Variants in TMEM178B observed in about 807,000 individuals in gnomAD.
The protein encoded by TMEM178B is transmembrane protein 178B.
TMEM178B carries 5 observed loss-of-function variants against 31.0 expected under a neutral mutation model. That is an observed-to-expected ratio of 0.16 (90% CI 0.08 to 0.34). The LOEUF (loss-of-function observed/expected upper bound fraction) is 0.34. Among genes scored for constraint, TMEM178B ranks in the 10% least tolerant of loss-of-function variants. TMEM178B has a pLI of 1.00. For synonymous variants in TMEM178B, 164 were observed against 164.0 expected (o/e 1.00, Z 0.00); for missense variants, 275 against 400.3 (o/e 0.69, Z 2.67).
At chr7:141,418,760 T>C (rs1801146549) in intron 2 of TMEM178B, among the ~76,000 whole-genome samples, 1 of 152,222 alleles carries the variant, frequency 6.6e-6, no homozygotes, top group Non-Finnish European at 1.5e-5. Context: ...CAAGTCAGTA[T>C]CTCAAGTAAT....
intron 2 of TMEM178B, among the ~76,000 whole-genome samples, chr7:141,418,351 G>A (rs562633832): frequency 6.6e-6 from 1 of 152,074 alleles, no homozygotes; most frequent in East Asian, 1.9e-4. Context: ...CCCTTGACAA[G>A]GTCACAGGGG....
At chr7:141,417,163 A>T (rs1009916492) in intron 2 of TMEM178B, among the ~76,000 whole-genome samples, 2 of 152,188 alleles carry the variant, frequency 1.3e-5, no homozygotes, top group Non-Finnish European at 2.9e-5. Flanking sequence ...TCCAGGAGAG[A>T]CACTGTGGGC....
intron 3 of TMEM178B, among the ~76,000 whole-genome samples, chr7:141,460,895 G>A (rs549467814): frequency 7.5e-4 from 114 of 152,232 alleles, no homozygotes; most frequent in African/African-American, 2.6e-3. Context: ...GCCTCATCCC[G>A]ACAAATCCCT....
chr7:141,105,802 G>A (rs1445604925), intron 1 of TMEM178B, among the ~76,000 whole-genome samples: 1 of 152,032 alleles, frequency 6.6e-6, no homozygotes, highest in Non-Finnish European at 1.5e-5. Flanking sequence ...CTTTAAAAAT[G>A]ATTAGTTTGG....
At chr7:141,284,910 A>C (rs1430157787) in intron 2 of TMEM178B, among the ~76,000 whole-genome samples, 2 of 152,130 alleles carry the variant, frequency 1.3e-5, no homozygotes, top group African/African-American at 4.8e-5. Flanking sequence ...AAGAAGGTTG[A>C]GAATAGTTCA....
intron 2 of TMEM178B, among the ~76,000 whole-genome samples, chr7:141,387,757 C>G (rs1206927160): frequency 1.3e-5 from 2 of 152,206 alleles, no homozygotes; most frequent in Non-Finnish European, 2.9e-5. Flanking sequence ...TGGCCTGACA[C>G]TTGTCTTCCA....
intron 2 of TMEM178B, among the ~76,000 whole-genome samples, chr7:141,387,319 G>A (rs1353753395): frequency 6.6e-6 from 1 of 151,976 alleles, no homozygotes; most frequent in Non-Finnish European, 1.5e-5. Flanking sequence ...TTACAGTAAC[G>A]CCATAATACA....
At chr7:141,411,907 T>A (rs889322274) in intron 2 of TMEM178B, among the ~76,000 whole-genome samples, 3 of 152,200 alleles carry the variant, frequency 2.0e-5, no homozygotes, top group African/African-American at 7.2e-5. Context: ...TTGTCTTTAG[T>A]GACAGGCTTT....
intron 1 of TMEM178B, among the ~76,000 whole-genome samples, chr7:141,126,243 G>A (rs1438679205): frequency 1.3e-5 from 2 of 152,178 alleles, no homozygotes; most frequent in African/African-American, 2.4e-5. Context: ...ATTCTAAGCT[G>A]AGGAATAGCA....
intron 2 of TMEM178B, among the ~76,000 whole-genome samples, chr7:141,373,237 G>A (rs1021018828): frequency 2.2e-4 from 34 of 152,202 alleles, no homozygotes; most frequent in African/African-American, 8.0e-4. Flanking sequence ...TGCAAGCTCT[G>A]AGAATAGGCA....
At chr7:141,100,333 TTGAG>T (rs1406771367) in intron 1 of TMEM178B, among the ~76,000 whole-genome samples, 2 of 152,126 alleles carry the variant, frequency 1.3e-5, no homozygotes, top group African/African-American at 4.8e-5. Flanking sequence ...GAACTTTTGA[TTGAG>T]TGGTCGTTTT....
chr7:141,505,641 TGTA>T, the TMEM178B span, among the ~76,000 whole-genome samples: 1 of 152,216 alleles, frequency 6.6e-6, no homozygotes, highest in Admixed American at 6.5e-5. Flanking sequence ...CCCTCAACTC[TGTA>T]CTGCCTGCCG....
downstream of TMEM178B, among the ~76,000 whole-genome samples, chr7:141,480,646 C>CT (rs964951486): frequency 4.6e-5 from 7 of 152,194 alleles, no homozygotes; most frequent in African/African-American, 1.7e-4. Context: ...AACTGTTGTT[C>CT]TTTTTTTCCT....
At chr7:141,510,413 C>T in the TMEM178B span, among the ~76,000 whole-genome samples, 9 of 152,018 alleles carry the variant, frequency 5.9e-5, no homozygotes, top group African/African-American at 1.7e-4. Flanking sequence ...GGGCCGGGCG[C>T]GGTGGCTCAT....
intron 2 of TMEM178B, among the ~76,000 whole-genome samples, chr7:141,223,768 A>C (rs1454764661): frequency 2.0e-5 from 3 of 151,976 alleles, no homozygotes; most frequent in Non-Finnish European, 4.4e-5. Flanking sequence ...TTACAATTCA[A>C]CGTTCCAATC....
chr7:141,315,494 G>T (rs1029621636), intron 2 of TMEM178B, among the ~76,000 whole-genome samples: 11 of 110,354 alleles, frequency 1.0e-4, no homozygotes, highest in African/African-American at 2.8e-4. Context: ...CTTCTCATTT[G>T]CAAATCTTAC....
intron 1 of TMEM178B, among the ~76,000 whole-genome samples, chr7:141,204,639 G>T (rs886396829): frequency 1.9e-4 from 29 of 152,214 alleles, no homozygotes; most frequent in African/African-American, 6.8e-4. Flanking sequence ...GTTTGGCTTT[G>T]CTGGTAGCTC....
chr7:141,286,355 T>C (rs1356577417), intron 2 of TMEM178B, among the ~76,000 whole-genome samples: 2 of 152,216 alleles, frequency 1.3e-5, no homozygotes, highest in African/African-American at 4.8e-5. Context: ...CACATTGTTT[T>C]AGGTATAGAG....
At chr7:141,416,874 C>T (rs769432127) in intron 2 of TMEM178B, among the ~76,000 whole-genome samples, 4 of 152,150 alleles carry the variant, frequency 2.6e-5, no homozygotes, top group African/African-American at 4.8e-5. Context: ...AACAGCAAAA[C>T]ACCGGCAAAA....
Sources: gnomAD v4.1 joint callset for allele counts (sites outside exome capture counted in the v4.1 genomes callset) on GRCh38, gnomAD v4.1.1 for gene constraint, MANE v1.5 for transcripts, NCBI Gene and HGNC (gene_info 2026-07-23, HGNC 2026-07-21) for gene names.